TRHDE: variants seen among roughly 807,000 people sequenced by gnomAD.
TRHDE encodes the protein thyrotropin releasing hormone degrading enzyme.
A neutral mutation model predicts 125.7 loss-of-function variants in TRHDE; 72 were observed. That is an observed-to-expected ratio of 0.57 (90% CI 0.47 to 0.70). The LOEUF (loss-of-function observed/expected upper bound fraction) is 0.70. Among genes scored for constraint, TRHDE ranks in the 30% least tolerant of loss-of-function variants. TRHDE has a pLI of 0.00. For synonymous variants in TRHDE, 509 were observed against 509.1 expected (o/e 1.00, Z 0.00); for missense variants, 1,110 against 1,327.1 (o/e 0.84, Z 2.54).
chr12:72,608,798 T>C (rs974651896), intron 12 of TRHDE, among the ~76,000 whole-genome samples: 4 of 152,178 alleles, frequency 2.6e-5, no homozygotes, highest in African/African-American at 9.7e-5. Flanking sequence ...TACTAGAACA[T>C]GGTAAAGAGA....
At chr12:72,185,760 C>G (rs1877194502) in intron 2 of TRHDE, among the ~76,000 whole-genome samples, 1 of 150,882 alleles carries the variant, frequency 6.6e-6, no homozygotes, top group Admixed American at 6.6e-5. Flanking sequence ...ACCTTTATGT[C>G]TAGCTCAGGG....
intron 3 of TRHDE, among the ~76,000 whole-genome samples, chr12:72,396,084 C>G (rs776767284): frequency 6.6e-6 from 1 of 152,140 alleles, no homozygotes; most frequent in Non-Finnish European, 1.5e-5. Context: ...CCTATGTCCT[C>G]TGGATGCTTT....
intron 2 of TRHDE, among the ~76,000 whole-genome samples, chr12:72,126,072 A>T (rs944618588): frequency 6.6e-6 from 1 of 152,182 alleles, no homozygotes; most frequent in African/African-American, 2.4e-5. Flanking sequence ...TGTGTGAAGG[A>T]ATTACCTGAG....
At chr12:72,531,085 A>G (rs1868527762) in intron 6 of TRHDE, among the ~76,000 whole-genome samples, 1 of 152,082 alleles carries the variant, frequency 6.6e-6, no homozygotes, top group South Asian at 2.1e-4. Flanking sequence ...CTCCCACCAG[A>G]GAGTTTGAGA....
At chr12:72,345,615 T>G (rs2135734765) in intron 2 of TRHDE, among the ~76,000 whole-genome samples, 1 of 152,242 alleles carries the variant, frequency 6.6e-6, no homozygotes, top group Non-Finnish European at 1.5e-5. Flanking sequence ...TGGACTTTTG[T>G]GAACCAGTAG....
chr12:72,486,259 A>C (rs1358036723), intron 5 of TRHDE, among the ~76,000 whole-genome samples: 1 of 152,156 alleles, frequency 6.6e-6, no homozygotes, highest in Non-Finnish European at 1.5e-5. Context: ...TTGGAAAGTG[A>C]AGCTGCACCT....
rs369700339 is a variant in TRHDE at position 72,342,929 on chromosome 12, T to C, written c.1189-35066T>C. ...AGCATTTATTATGTGGCAGGCACTGTTGTGCGTGCTTTACACATGTAATAA... is the reference window on the plus strand; with the variant it reads ...AGCATTTATTATGTGGCAGGCACTGCTGTGCGTGCTTTACACATGTAATAA... On this transcript the variant is annotated intron_variant, in intron 2 of 18. Transcript: ENST00000261180. Among the ~76,000 whole-genome samples the C allele has an allele frequency of 3.9e-4, 60 of 152,272 alleles. No homozygotes were observed. The South Asian group carries it at 0.011, about 29-fold the overall frequency.
At chr12:72,616,457 C>T (rs74105934) in intron 12 of TRHDE, among the ~76,000 whole-genome samples, 2,695 of 152,054 alleles carry the variant, frequency 0.018, 84 homozygotes, top group African/African-American at 0.061. Context: ...TTTATAGACA[C>T]AGAATGTGAG....
intron 5 of TRHDE, among the ~76,000 whole-genome samples, chr12:72,490,884 A>G (rs1877644580): frequency 6.6e-6 from 1 of 151,540 alleles, no homozygotes; most frequent in Non-Finnish European, 1.5e-5. Context: ...TGTAGGATGA[A>G]CAAGTCTAGA....
intron 15 of TRHDE, among the ~76,000 whole-genome samples, chr12:72,642,174 A>G (rs929366231): frequency 1.3e-5 from 2 of 152,166 alleles, no homozygotes. Flanking sequence ...TAAGCCTCCC[A>G]GTATATGGTA....
At chr12:72,470,833 G>A (rs575821940) in intron 4 of TRHDE, among the ~76,000 whole-genome samples, 30 of 149,750 alleles carry the variant, frequency 2.0e-4, no homozygotes, top group African/African-American at 7.4e-4. Flanking sequence ...AAGTGATCCG[G>A]GTCAGACGAC....
chr12:72,476,109 G>T (rs1281406475), intron 5 of TRHDE, among the ~76,000 whole-genome samples: 1 of 152,072 alleles, frequency 6.6e-6, no homozygotes, highest in African/African-American at 2.4e-5. Context: ...CAGAGACAAG[G>T]TTTCACTATA....
chr12:72,281,476 G>A (rs1369284974), intron 1 of TRHDE, among the ~76,000 whole-genome samples: 1 of 152,170 alleles, frequency 6.6e-6, no homozygotes, highest in African/African-American at 2.4e-5. Flanking sequence ...GGTCTTGGGA[G>A]TTTTTATTAC....
At chr12:72,315,169 G>T (rs1241804612) in intron 2 of TRHDE, among the ~76,000 whole-genome samples, 1 of 152,112 alleles carries the variant, frequency 6.6e-6, no homozygotes, top group Non-Finnish European at 1.5e-5. Flanking sequence ...TAAAACAAAT[G>T]GACTCATTTC....
chr12:72,302,449 A>T (rs1393723464), intron 2 of TRHDE, among the ~76,000 whole-genome samples: 1 of 152,148 alleles, frequency 6.6e-6, no homozygotes, highest in Non-Finnish European at 1.5e-5. Context: ...ATAATTCACT[A>T]TGTTTCAGGT....
intron 15 of TRHDE, among the ~76,000 whole-genome samples, chr12:72,622,751 A>C (rs1230559910): frequency 1.3e-5 from 2 of 152,090 alleles, no homozygotes; most frequent in Non-Finnish European, 2.9e-5. Context: ...TTTAATATCT[A>C]ACTGACTAGA....
At chr12:72,589,568 G>T (rs569869054) in intron 12 of TRHDE, among the ~76,000 whole-genome samples, 1 of 152,214 alleles carries the variant, frequency 6.6e-6, no homozygotes, top group Admixed American at 6.5e-5. Context: ...TTCTCTGTAT[G>T]GGAAGGTCCT....
At chr12:72,546,216 T>C (rs753210303) in intron 7 of TRHDE, among the ~76,000 whole-genome samples, 7 of 151,678 alleles carry the variant, frequency 4.6e-5, no homozygotes, top group Non-Finnish European at 1.0e-4. Flanking sequence ...TTTTAAATCA[T>C]AGTTTTCTTT....
At chr12:72,251,805 C>T (rs1878692514) in intron 2 of TRHDE, among the ~76,000 whole-genome samples, 1 of 152,002 alleles carries the variant, frequency 6.6e-6, no homozygotes, top group Non-Finnish European at 1.5e-5. Flanking sequence ...TGATTCGATT[C>T]CTTTATATCC....
Sources: allele counts gnomAD v4.1 joint callset (sites outside exome capture counted in the v4.1 genomes callset), GRCh38; gene constraint gnomAD v4.1.1; transcripts MANE v1.5; gene names NCBI Gene and HGNC (gene_info 2026-07-23, HGNC 2026-07-21).